Variants in CCAR2 observed in about 807,000 individuals in gnomAD.
CCAR2 encodes the protein cell cycle and apoptosis regulator protein 2.
CCAR2 carries 21 observed loss-of-function variants against 108.1 expected under a neutral mutation model. The ratio of observed to expected loss-of-function variants is 0.19; its 90% CI spans 0.14 to 0.28. CCAR2 has a LOEUF of 0.28. Among genes scored for constraint, CCAR2 ranks in the 10% least tolerant of loss-of-function variants. The pLI, the probability that CCAR2 is intolerant of heterozygous loss-of-function variation, is 1.00. For missense variants in CCAR2, 1,126 were observed against 1,177.0 expected (o/e 0.96, Z 0.63); for synonymous variants, 577 against 472.8 (o/e 1.22, Z -2.86).
chr8:22,619,651 TGGA>T lies in CCAR2; in HGVS notation c.2743_2745del (p.Glu915del), dbSNP rs1249779737. The stretch of plus-strand genomic sequence containing the variant: ...TGTTTCAAACAGGCTGACAGCTGGG[TGGA>T]GAAGGAGGAGCCGGCACCTAGCAAC... On this transcript the variant is annotated inframe_deletion, in exon 21 of 21. Coordinates refer to ENST00000308511, the MANE Select transcript of CCAR2 (RefSeq NM_001393997.1). 6.4e-7 allele frequency: 1 copy of T among 1,574,442 alleles called. No individual in the cohort carries two copies. Among genetic ancestry groups the T allele is most frequent in the South Asian group, 1.2e-5 (1 of 85,922 alleles).
intron 8 of CCAR2, among the ~76,000 whole-genome samples, chr8:22,613,376 T>TTTA (rs1378036864): frequency 1.4e-5 from 2 of 144,190 alleles, no homozygotes; most frequent in East Asian, 4.2e-4. Flanking sequence ...TTTTTTTTTT[T>TTTA]AGCAACTACA....
intron 11 of CCAR2, 35 bp from the exon 12 acceptor site, chr8:22,615,390 C>G (rs765737582): frequency 6.2e-7 from 1 of 1,601,364 alleles, no homozygotes; most frequent in East Asian, 2.2e-5. Context: ...GGAGTTGTCA[C>G]TAAAGAAGTT....
chr8:22,616,966 C>T (rs1354741724), intron 14 of CCAR2, among the ~76,000 whole-genome samples: 1 of 100,942 alleles, frequency 9.9e-6, no homozygotes, highest in East Asian at 3.3e-4. Context: ...ACTGCAACCT[C>T]TGCCTCCCAG....
In CCAR2 at chr8:22,606,096, A is replaced by G. The variant is rs199957280; in HGVS notation, c.70A>G (p.Thr24Ala). Reference sequence around the variant, plus strand: ...CTCTTTCCCCATAGGCACAGCTTCAACATCTCTTCTGGGCCCTCCTCCTGG... The same window carrying G: ...CTCTTTCCCCATAGGCACAGCTTCAGCATCTCTTCTGGGCCCTCCTCCTGG... Reference protein sequence around the residue: ...GGRNFSGTASTSLLGPPPGLL... With the variant: ...GGRNFSGTASASLLGPPPGLL... The change falls in exon 3 of 21, where the codon ACA becomes GCA. Residue 24 changes from threonine (T) to alanine (A), a missense_variant. By Grantham distance (58) the Thr-to-Ala change is moderately conservative (BLOSUM62 0). Transcript: ENST00000308511. 65 of 1,613,966 alleles carry G rather than the reference A, an allele frequency of 4.0e-5. No individual in the cohort carries two copies. Among genetic ancestry groups the G allele is most frequent in the African/African-American group, 1.5e-4 (11 of 75,018 alleles).
chr8:22,612,793 C>T (rs1318057426), intron 7 of CCAR2: 3 of 425,622 alleles, frequency 7.0e-6, no homozygotes, highest in Non-Finnish European at 1.2e-5. Context: ...ACTGTGTATA[C>T]AATGTTGCAG....
rs753978059 is a variant in CCAR2 at position 22,619,885 on chromosome 8, C to CCACTT, written c.*204_*208dup. ...GATGGATGTGTGAGGAACCCCGGTT[C>CCACTT]CACTTAACAACTAAATACAACATCT... On this transcript the variant is annotated 3_prime_UTR_variant, in exon 21 of 21. Transcript: ENST00000308511. 2.9e-5 allele frequency: 17 copies of CCACTT among 594,640 alleles called. No individual in the cohort carries two copies. The highest frequency in any genetic ancestry group is 4.2e-5 in the Non-Finnish European group (14 of 333,300). 36.8% of individuals were successfully genotyped at this position (594,640 alleles called of 1,614,324 possible).
chr8:22,619,426 T>C (rs1387452685), intron 20 of CCAR2, 71 bp downstream of exon 20: 3 of 1,518,704 alleles, frequency 2.0e-6, no homozygotes, highest in African/African-American at 1.4e-5. Context: ...AGAAGGGCGC[T>C]TGCCCGTGTC....
Position 22,618,830 on chromosome 8 carries a change from A to G in CCAR2, c.2336A>G (p.Asn779Ser), listed in dbSNP as rs1035792763. The part of the protein sequence containing the change: ...GGLPEEVLFG[N>S]LDLLPPPGKS... ...TCTTTTTCACGGTTCTCTCTAGGAA[A>G]CCTGGACCTGCTGCCCCCTCCTGGG... Residue 779 changes from asparagine (N) to serine (S), a missense_variant, in exon 19 of 21, where the codon AAC becomes AGC. This residue lies in a region of CCAR2 where 1,013 missense variants were observed against 993.9 expected (regional missense o/e 1.02). Transcript: ENST00000308511. The G allele has an allele frequency of 2.5e-6, 4 of 1,613,578 alleles. No individual in the cohort carries two copies. The highest frequency in any genetic ancestry group is 3.4e-6 in the Non-Finnish European group (4 of 1,179,878).
chr8:22,607,316 C>A lies in CCAR2; in HGVS notation c.478C>A (p.Pro160Thr). Reference sequence around the variant, plus strand: ...GCCTCACCGGATTCCCCCACTCTTTCCTCAGAAGCGTGAGTACGAGTGGCA... The same window carrying A: ...GCCTCACCGGATTCCCCCACTCTTTACTCAGAAGCGTGAGTACGAGTGGCA... ...FQPHRIPPLFPQKPLSLFQTS... is the reference protein window; with the variant it reads ...FQPHRIPPLFTQKPLSLFQTS... The change falls in exon 6 of 21, where the codon CCT becomes ACT. Residue 160 changes from proline to threonine, a missense_variant. By Grantham distance (38) the Pro-to-Thr change is conservative. Coordinates refer to ENST00000308511, the MANE Select transcript of CCAR2 (RefSeq NM_001393997.1). The A allele has an allele frequency of 6.2e-7, 1 of 1,612,126 alleles. No individual in the cohort carries two copies. The highest frequency in any genetic ancestry group is 1.3e-5 in the African/African-American group (1 of 75,028).
Position 22,619,306 on chromosome 8 carries a change from G to T in CCAR2, c.2678G>T (p.Arg893Leu). 6.4e-7 allele frequency: 1 copy of T among 1,564,058 alleles called. No homozygotes were observed. The highest frequency in any genetic ancestry group is 8.7e-7 in the Non-Finnish European group (1 of 1,155,026). The stretch of plus-strand genomic sequence containing the variant: ...CTCCAGCGGCTGCTGCAGGAGCTCC[G>T]CAGGCGTCTGACCCCCCTGCAGCTG... ...SQLQRLLQEL[R>L]RRLTPLQLEI... Residue 893 changes from arginine (R) to leucine (L), a missense_variant, in exon 20 of 21, where the codon CGC becomes CTC. By Grantham distance (102) the Arg-to-Leu change is moderately radical (BLOSUM62 -2). Transcript: ENST00000308511.
Position 22,608,021 on chromosome 8 carries a change from A to G in CCAR2, c.540A>G (p.Arg180=), listed in dbSNP as rs200537681. 8 of 1,613,996 alleles carry G rather than the reference A, an allele frequency of 5.0e-6. No individual in the cohort carries two copies. Among genetic ancestry groups the G allele is most frequent in the Non-Finnish European group, 6.8e-6 (8 of 1,180,006 alleles). Residue 180 remains arginine (R), a synonymous_variant, in exon 7 of 21, where the codon AGA becomes AGG. Transcript: ENST00000308511. The part of the protein sequence containing the change: ...SHTLHLSHLN[R]FPARGPHGRL... ...CACTTCACCTGAGCCACCTGAACAG[A>G]TTTCCTGCCCGGGGCCCTCATGGAC...
At chr8:22,607,690 T>A (rs936118445) in intron 6 of CCAR2, among the ~76,000 whole-genome samples, 1 of 151,998 alleles carries the variant, frequency 6.6e-6, no homozygotes, top group Non-Finnish European at 1.5e-5. Context: ...AGTGGCGCGA[T>A]CTCGGCTCAC....
At chr8:22,607,751 A>C (rs148748395) in intron 6 of CCAR2, among the ~76,000 whole-genome samples, 1,682 of 152,034 alleles carry the variant, frequency 0.011, 33 homozygotes, top group East Asian at 0.062. Context: ...CAGCCTCCTG[A>C]GTAGCTGGGA....
Position 22,619,836 on chromosome 8 carries a change from C to T in CCAR2, c.*154C>T. On this transcript the variant is annotated 3_prime_UTR_variant, in exon 21 of 21. Transcript: ENST00000308511. Reference sequence around the variant, plus strand: ...CAGCCTCTAGGGGACGGCAGGCCATCAGGCTGGGGGCTGTGCTATGTGGGA... The same window carrying T: ...CAGCCTCTAGGGGACGGCAGGCCATTAGGCTGGGGGCTGTGCTATGTGGGA... The T allele has an allele frequency of 1.3e-6, 1 of 751,922 alleles. No homozygotes were observed. Among genetic ancestry groups the T allele is most frequent in the Non-Finnish European group, 2.2e-6 (1 of 448,694 alleles). The allele number at this position is 751,922 out of a possible 1,614,324, so 46.6% of individuals were successfully genotyped here.
chr8:22,619,805 C>A lies in CCAR2; in HGVS notation c.*123C>A. The A allele has an allele frequency of 9.7e-7, 1 of 1,031,788 alleles. No individual in the cohort carries two copies. Among genetic ancestry groups the A allele is most frequent in the Non-Finnish European group, 1.4e-6 (1 of 691,174 alleles). The allele number at this position is 1,031,788 out of a possible 1,614,324, so 63.9% of individuals were successfully genotyped here. On this transcript the variant is annotated 3_prime_UTR_variant, in exon 21 of 21. Transcript: ENST00000308511. ...GAGCCAGGGCAGGGGTGGCTGACCC[C>A]ATGCTCAGCCTCTAGGGGACGGCAG...
chr8:22,612,947 T>G (rs1801348502), intron 7 of CCAR2, 70 bp from the exon 8 acceptor site: 2 of 1,481,184 alleles, frequency 1.4e-6, no homozygotes, highest in African/African-American at 2.9e-5. Flanking sequence ...TTCCAGTTCT[T>G]TTAGTTCAGT....
Position 22,614,320 on chromosome 8 carries a change from C to G in CCAR2, c.927+6C>G. Reference sequence around the variant, plus strand: ...ACCCCGCTTATAGTTCGAAGGTAAGCTGACAGGCGTCTCTCACTTATCTGA... The same window carrying G: ...ACCCCGCTTATAGTTCGAAGGTAAGGTGACAGGCGTCTCTCACTTATCTGA... On this transcript the variant is annotated splice_donor_region_variant and intron_variant, in intron 9 of 20. Coordinates refer to ENST00000308511, the MANE Select transcript of CCAR2 (RefSeq NM_001393997.1). 6.2e-7 allele frequency: 1 copy of G among 1,614,028 alleles called. No homozygotes were observed.
intron 7 of CCAR2, among the ~76,000 whole-genome samples, chr8:22,611,628 T>C (rs569803326): frequency 6.6e-6 from 1 of 152,184 alleles, no homozygotes; most frequent in African/African-American, 2.4e-5. Context: ...GTGCATACTT[T>C]TTGCAATTTT....
chr8:22,607,195 GC>G lies in CCAR2; in HGVS notation c.361del (p.Leu121TyrfsTer2). ...TGAATTTCCTGGCTCCTGTTCTGCAGCCCCTACTGAAGTCCCCAGCACCTCC... is the reference window on the plus strand; with the variant it reads ...TGAATTTCCTGGCTCCTGTTCTGCAGCCCTACTGAAGTCCCCAGCACCTCC... ...AVKVQTLSNQ[P>X]LLKSPAPPLL... On this transcript the variant is annotated frameshift_variant and splice_region_variant, in exon 6 of 21. Transcript: ENST00000308511. LOFTEE classifies it high-confidence loss of function. 6.2e-7 allele frequency: 1 copy of G among 1,613,970 alleles called. No individual in the cohort carries two copies.
Sources: allele counts gnomAD v4.1 joint callset (sites outside exome capture counted in the v4.1 genomes callset), GRCh38; gene constraint gnomAD v4.1.1; regional missense constraint gnomAD v4.1.1; transcripts MANE v1.5; gene names NCBI Gene and HGNC (gene_info 2026-07-23, HGNC 2026-07-21).